The following SLC9C1 variants were observed in gnomAD, a reference collection of about 807,000 sequenced individuals.
SLC9C1 encodes solute carrier family 9 member C1.
SLC9C1 carries 97 observed loss-of-function variants against 140.9 expected under a neutral mutation model. That is an observed-to-expected ratio of 0.69 (90% CI 0.58 to 0.82). SLC9C1 has a LOEUF of 0.82. Ranked by LOEUF, SLC9C1 falls within the 40% of genes least tolerant of loss-of-function variation. The pLI is 0.00. For missense variants in SLC9C1, 1,340 were observed against 1,389.3 expected, an observed-to-expected ratio of 0.96 and a Z score of 0.56; for synonymous variants, 440 against 442.6, an observed-to-expected ratio of 0.99 and a Z score of 0.07.
Position 112,277,807 on chromosome 3 carries a change from C to A in SLC9C1, c.372G>T (p.Trp124Cys). ...GFLVNYILVL[W>C]HLASVNQLLL... ...GTAATTGATTTACAGATGCCAGATG[C>A]CAAAGAACTAAGATATAATTAACCA... The change falls in exon 5 of 29, where the codon TGG (tryptophan) becomes TGT (cysteine). Residue 124 changes from tryptophan to cysteine, a missense_variant. Transcript: ENST00000305815. 1 of 1,610,472 alleles carries A rather than the reference C, an allele frequency of 6.2e-7. No individual in the cohort carries two copies. Among genetic ancestry groups the A allele is most frequent in the Non-Finnish European group, 8.5e-7 (1 of 1,178,476 alleles).
intron 6 of SLC9C1, among the ~76,000 whole-genome samples, chr3:112,270,699 C>T (rs935822960): frequency 6.6e-6 from 1 of 152,102 alleles, no homozygotes; most frequent in African/African-American, 2.4e-5. Context: ...GCCTGTAATC[C>T]CGGCTACCTG....
chr3:112,252,391 G>C (rs539885899), intron 10 of SLC9C1, among the ~76,000 whole-genome samples: 2 of 152,188 alleles, frequency 1.3e-5, no homozygotes, highest in East Asian at 3.8e-4. Flanking sequence ...CTGGGATGGG[G>C]CTACCAGAGG....
rs201635302 is a variant in SLC9C1, at chr3:112,263,062, A to C, written c.1059T>G (p.Ser353=). 1.4e-4 allele frequency: 219 copies of C among 1,592,422 alleles called. No individual in the cohort carries two copies. The East Asian group carries it at 4.3e-3, about 31-fold the overall frequency. The stretch of plus-strand genomic sequence containing the variant: ...GCCAACTGAACTCATGACCAACTCG[A>C]GACAAAACAGGGCTTATTAAAAGAA... ...LTLLLISPVL[S]RVGHEFSWRW... The change falls in exon 10 of 29, where the codon TCT becomes TCG. Residue 353 remains serine (S), a synonymous_variant. Transcript: ENST00000305815.
At chr3:112,273,745 G>A (rs1262024510) in intron 6 of SLC9C1, among the ~76,000 whole-genome samples, 1 of 152,164 alleles carries the variant, frequency 6.6e-6, no homozygotes, top group African/African-American at 2.4e-5. Context: ...CTCTTCTTGA[G>A]TAGTAGGAGA....
rs1021404072 is a variant in SLC9C1 at position 112,292,300 on chromosome 3, C to G, written c.-88+1793G>C. 3.9e-5 allele frequency among the ~76,000 whole-genome samples: 6 copies of G among 152,268 alleles called. 1 individual carries two copies. The South Asian group carries it at 1.2e-3, about 32-fold the overall frequency. ...AATCACATTAATAATAATAAAATTA[C>G]CACGAATCCTGTTTACTCTTAAATT... On this transcript the variant is annotated intron_variant, in intron 1 of 28. Transcript: ENST00000305815.
At chr3:112,260,899 G>C (rs1362314821) in intron 10 of SLC9C1, among the ~76,000 whole-genome samples, 1 of 151,986 alleles carries the variant, frequency 6.6e-6, no homozygotes, top group Non-Finnish European at 1.5e-5. Flanking sequence ...AATGATCCAA[G>C]GAAATTTAAA....
At chr3:112,259,668 C>T (rs1559725410) in intron 10 of SLC9C1, among the ~76,000 whole-genome samples, 1 of 152,010 alleles carries the variant, frequency 6.6e-6, no homozygotes, top group Non-Finnish European at 1.5e-5. Context: ...AAATATCTAT[C>T]GGGTACTATG....
intron 16 of SLC9C1, among the ~76,000 whole-genome samples, chr3:112,205,004 C>T (rs929556514): frequency 1.3e-5 from 2 of 152,014 alleles, no homozygotes; most frequent in Admixed American, 1.3e-4. Flanking sequence ...AAATTCGATG[C>T]CCTCTCTCAC....
chr3:112,221,337 G>C, intron 13 of SLC9C1, 112 bp from the exon 14 acceptor site: 1 of 878,940 alleles, frequency 1.1e-6, no homozygotes, highest in Non-Finnish European at 1.7e-6. Context: ...AATCTAGTCT[G>C]TTTGTAAAAA....
At chr3:112,179,738 C>G in intron 22 of SLC9C1, 37 bp from the exon 23 acceptor site, 1 of 1,523,588 alleles carries the variant, frequency 6.6e-7, no homozygotes, top group South Asian at 1.4e-5. Context: ...ATACATATGC[C>G]AGTTAACTTG....
chr3:112,150,165 A>G (rs2399405), intron 28 of SLC9C1, among the ~76,000 whole-genome samples: 44,852 of 151,982 alleles, frequency 0.3, 6,807 homozygotes, highest in East Asian at 0.35. Flanking sequence ...AGGGTGTTCA[A>G]TCTCTGGCCT....
chr3:112,224,884 C>A (rs2078642260), intron 13 of SLC9C1, among the ~76,000 whole-genome samples: 3 of 151,574 alleles, frequency 2.0e-5, no homozygotes, highest in South Asian at 2.1e-4. Flanking sequence ...CTCATGGGAC[C>A]CATGGGACAT....
chr3:112,252,590 G>C (rs1485040051), intron 10 of SLC9C1, among the ~76,000 whole-genome samples: 2 of 152,162 alleles, frequency 1.3e-5, no homozygotes, highest in African/African-American at 4.8e-5. Flanking sequence ...GGGATATCCT[G>C]ATTGGGGTCT....
chr3:112,160,865 A>G (rs2107884905), intron 26 of SLC9C1, among the ~76,000 whole-genome samples: 1 of 152,106 alleles, frequency 6.6e-6, no homozygotes, highest in African/African-American at 2.4e-5. Context: ...ACAATGGTTG[A>G]ACTAGTTTAC....
chr3:112,251,264 A>G (rs758787894), intron 10 of SLC9C1, among the ~76,000 whole-genome samples: 9 of 152,034 alleles, frequency 5.9e-5, no homozygotes, highest in Non-Finnish European at 1.0e-4. Flanking sequence ...CCCACCTAGG[A>G]GTGACACAGA....
intron 10 of SLC9C1, among the ~76,000 whole-genome samples, chr3:112,248,201 A>G (rs2079347477): frequency 6.6e-6 from 1 of 152,132 alleles, no homozygotes; most frequent in African/African-American, 2.4e-5. Flanking sequence ...ACTGCCTTCA[A>G]ACAACTGAAT....
rs1417611233 is a variant in SLC9C1 at position 112,208,250 on chromosome 3, T to G, written c.1914A>C (p.Val638=). 6.2e-7 allele frequency: 1 copy of G among 1,612,308 alleles called. No homozygotes were observed. The highest frequency in any genetic ancestry group is 1.7e-5 in the Admixed American group (1 of 59,718). The change falls in exon 16 of 29, where the codon GTA becomes GTC. Residue 638 remains valine, a synonymous_variant. Coordinates refer to ENST00000305815, the MANE Select transcript of SLC9C1 (RefSeq NM_183061.3). ...TGTGTTTTAATTCGCTGTGGTAGAT[T>G]ACATTTAACTGGGATATCCAAGAGA... ...FIISWISQLN[V]IYHSELKHTN... is the part of the protein sequence containing the mutation.
chr3:112,279,665 A>G (rs2080307756), intron 3 of SLC9C1, among the ~76,000 whole-genome samples: 2 of 152,212 alleles, frequency 1.3e-5, no homozygotes, highest in African/African-American at 4.8e-5. Context: ...TACCCATTAT[A>G]GAAGATTCGG....
intron 5 of SLC9C1, among the ~76,000 whole-genome samples, chr3:112,276,392 A>T (rs2080215654): frequency 6.6e-6 from 1 of 151,610 alleles, no homozygotes; most frequent in South Asian, 2.1e-4. Context: ...AAAAATATAT[A>T]TATATGCATA....
Sources: gnomAD v4.1 joint callset for allele counts (sites outside exome capture counted in the v4.1 genomes callset) on GRCh38, gnomAD v4.1.1 for gene constraint, MANE v1.5 for transcripts, NCBI Gene and HGNC (gene_info 2026-07-23, HGNC 2026-07-21) for gene names.